The following CAMKMT variants were observed in gnomAD, a reference collection of about 807,000 sequenced individuals.
The protein encoded by CAMKMT is CaM KMT.
CAMKMT carries 53 observed loss-of-function variants against 48.0 expected under a neutral mutation model. The observed-to-expected ratio is 1.10, with a 90% CI of 0.89 to 1.39. CAMKMT has a LOEUF of 1.39. Ranked by LOEUF, CAMKMT falls within the 40% of genes most tolerant of loss-of-function variation. The pLI is 0.00. For missense variants in CAMKMT, 428 were observed against 402.7 expected (o/e 1.06, Z -0.54); for synonymous variants, 165 against 152.3 (o/e 1.08, Z -0.61).
chr2:44,423,013 A>G (rs113480724), intron 3 of CAMKMT, among the ~76,000 whole-genome samples: 7 of 152,258 alleles, frequency 4.6e-5, no homozygotes, highest in African/African-American at 1.7e-4. Flanking sequence ...TTCACTCTGT[A>G]TCTTCCACCT....
chr2:44,578,172 A>T (rs1669340885), intron 3 of CAMKMT, among the ~76,000 whole-genome samples: 1 of 152,164 alleles, frequency 6.6e-6, no homozygotes, highest in South Asian at 2.1e-4. Flanking sequence ...ACGTTATATA[A>T]ATTCAGCATA....
intron 3 of CAMKMT, among the ~76,000 whole-genome samples, chr2:44,632,904 C>A (rs1391209882): frequency 2.0e-5 from 3 of 152,182 alleles, no homozygotes; most frequent in Admixed American, 1.3e-4. Flanking sequence ...GGCTGGCTCT[C>A]CTTGCTCCTC....
At chr2:44,592,663 A>G (rs1670368921) in intron 3 of CAMKMT, among the ~76,000 whole-genome samples, 2 of 152,218 alleles carry the variant, frequency 1.3e-5, no homozygotes, top group Admixed American at 1.3e-4. Context: ...ATAGGTATGT[A>G]AGTATAGGAA....
intron 2 of CAMKMT, among the ~76,000 whole-genome samples, chr2:44,384,498 A>ATTTTTTTTTTTTTTTTTTTTT (rs1680571955): frequency 9.8e-6 from 1 of 102,294 alleles, no homozygotes; most frequent in African/African-American, 4.2e-5. Flanking sequence ...TCAGCTATTT[A>ATTTTTTTTTTTTTTTTTTTTT]TCTTTTTTTT....
At position 44,361,960 on chromosome 2, in the gene CAMKMT, G is replaced by T. The variant is rs13386421; in HGVS notation, c.-48G>T. ...GAAGAAGTTGGCAGGTCCTGGCAGGGGACGAGCTGCGGCGGTGGCACCTCC... is the reference window on the plus strand; with the variant it reads ...GAAGAAGTTGGCAGGTCCTGGCAGGTGACGAGCTGCGGCGGTGGCACCTCC... On this transcript the variant is annotated 5_prime_UTR_variant, in exon 1 of 11. Transcript: ENST00000378494. 7.8e-4 allele frequency: 1,062 copies of T among 1,362,366 alleles called. 2 individuals are homozygous for T. In the African/African-American group the frequency reaches 0.014, roughly 18 times the overall value. 84.4% of individuals were successfully genotyped at this position (1,362,366 alleles called of 1,614,324 possible). A position where few individuals can be genotyped will look rare whatever the true frequency, so the allele number is the denominator to read the frequency against.
chr2:44,553,543 T>C (rs1342582528), intron 3 of CAMKMT, among the ~76,000 whole-genome samples: 1 of 152,146 alleles, frequency 6.6e-6, no homozygotes, highest in Non-Finnish European at 1.5e-5. Context: ...GTGCTTTTAA[T>C]AGAGATGGGG....
chr2:44,564,835 C>T (rs1033227856), intron 3 of CAMKMT, among the ~76,000 whole-genome samples: 4 of 152,174 alleles, frequency 2.6e-5, no homozygotes, highest in East Asian at 1.9e-4. Flanking sequence ...CTACCACACC[C>T]GGCCCAAGCT....
At chr2:44,636,638 T>A (rs1195371142) in intron 3 of CAMKMT, among the ~76,000 whole-genome samples, 3 of 152,186 alleles carry the variant, frequency 2.0e-5, no homozygotes, top group Non-Finnish European at 4.4e-5. Flanking sequence ...CTTTTATGGT[T>A]TTAAAAATAT....
rs943831470 is a variant in CAMKMT at position 44,456,236 on chromosome 2, A to G, written c.376+65931A>G. ...AGTATGAAAACAAGTGTTCATTTTC[A>G]CTAGTGATGAAGGACTTGAATTACA... On this transcript the variant is annotated intron_variant, in intron 3 of 10. Coordinates refer to ENST00000378494, the MANE Select transcript of CAMKMT (RefSeq NM_024766.5). Among the ~76,000 whole-genome samples the G allele has an allele frequency of 1.3e-5, 2 of 152,202 alleles. 1 individual carries two copies. Among genetic ancestry groups the G allele is most frequent in the Admixed American group, 1.3e-4 (2 of 15,286 alleles).
chr2:44,586,143 C>G (rs1448396160), intron 3 of CAMKMT, among the ~76,000 whole-genome samples: 1 of 152,190 alleles, frequency 6.6e-6, no homozygotes, highest in African/African-American at 2.4e-5. Context: ...AATAGGCAGC[C>G]TTCTGCCCAA....
chr2:44,517,953 A>G (rs1451277734), intron 3 of CAMKMT, among the ~76,000 whole-genome samples: 1 of 151,794 alleles, frequency 6.6e-6, no homozygotes, highest in African/African-American at 2.4e-5. Context: ...GAATTTTTTT[A>G]TTTTGCTTTT....
intron 3 of CAMKMT, among the ~76,000 whole-genome samples, chr2:44,442,362 A>G (rs920465917): frequency 6.6e-6 from 1 of 152,130 alleles, no homozygotes; most frequent in Non-Finnish European, 1.5e-5. Context: ...AAAATGATAT[A>G]TATCTCTCTA....
intron 3 of CAMKMT, among the ~76,000 whole-genome samples, chr2:44,555,418 G>A (rs1242160968): frequency 6.6e-6 from 1 of 152,176 alleles, no homozygotes; most frequent in East Asian, 1.9e-4. Flanking sequence ...CTGAAGCAGG[G>A]ACTACAGGAA....
At chr2:44,753,792 G>A (rs1376205805) in intron 8 of CAMKMT, among the ~76,000 whole-genome samples, 1 of 152,176 alleles carries the variant, frequency 6.6e-6, no homozygotes, top group African/African-American at 2.4e-5. Flanking sequence ...TTTGGAAATT[G>A]TCCCTGTAAC....
chr2:44,466,529 C>T (rs1668121929), intron 3 of CAMKMT, among the ~76,000 whole-genome samples: 1 of 152,076 alleles, frequency 6.6e-6, no homozygotes, highest in South Asian at 2.1e-4. Context: ...AAAAGCAGTA[C>T]TCAGAGGAAA....
intron 3 of CAMKMT, among the ~76,000 whole-genome samples, chr2:44,646,669 C>T (rs1673751409): frequency 6.6e-6 from 1 of 152,040 alleles, no homozygotes. Flanking sequence ...ACCCTTTTTC[C>T]CCAAAACCAT....
At chr2:44,708,613 A>G (rs1677697077) in intron 6 of CAMKMT, among the ~76,000 whole-genome samples, 1 of 152,114 alleles carries the variant, frequency 6.6e-6, no homozygotes, top group African/African-American at 2.4e-5. Context: ...TAAATGCAGG[A>G]TTTTAATCAC....
chr2:44,437,063 C>T (rs1666307972), intron 3 of CAMKMT, among the ~76,000 whole-genome samples: 2 of 152,172 alleles, frequency 1.3e-5, no homozygotes, highest in East Asian at 1.9e-4. Flanking sequence ...AAAAATCTTA[C>T]CTCCTTGATA....
chr2:44,438,243 A>T (rs1666406457), intron 3 of CAMKMT, among the ~76,000 whole-genome samples: 1 of 152,236 alleles, frequency 6.6e-6, no homozygotes, highest in Non-Finnish European at 1.5e-5. Flanking sequence ...TCTCAACTAT[A>T]ATACTAGACT....
Sources: allele counts gnomAD v4.1 joint callset (sites outside exome capture counted in the v4.1 genomes callset), GRCh38; gene constraint gnomAD v4.1.1; transcripts MANE v1.5; gene names NCBI Gene and HGNC (gene_info 2026-07-23, HGNC 2026-07-21).